The following STK32C variants were observed in gnomAD, a reference collection of about 807,000 sequenced individuals.
STK32C encodes serine/threonine kinase 32C, also known as serine/threonine-protein kinase 32C.
STK32C carries 31 observed loss-of-function variants against 56.5 expected under a neutral mutation model. The observed-to-expected ratio is 0.55, with a 90% CI of 0.41 to 0.74. The LOEUF (loss-of-function observed/expected upper bound fraction) is 0.74, where lower values mean the gene tolerates loss of function less well. STK32C is among the 30% of genes least tolerant of loss of function. STK32C has a pLI of 0.00. For missense variants in STK32C, 544 were observed against 676.9 expected (o/e 0.80, Z 2.18); for synonymous variants, 309 against 289.4 (o/e 1.07, Z -0.69).
rs1238286815 is a variant in STK32C, at chr10:132,254,485, A to ACG, written c.263-8532_263-8531dup. Among the ~76,000 whole-genome samples the ACG allele has an allele frequency of 4.1e-3, 566 of 136,426 alleles. 2 individuals carry two copies. The highest frequency in any genetic ancestry group is 0.013 in the Middle Eastern group (3 of 232). The allele number at this position is 136,426 out of a possible 152,430, so 89.5% of individuals were successfully genotyped here. On this transcript the variant is annotated intron_variant, in intron 1 of 11. Transcript: ENST00000298630. ...CCCCGGCACAATGCGTGCACCCTCCACGAAGGCTGCCCCCAGACCTGGGAG... is the reference window on the plus strand; with the variant it reads ...CCCCGGCACAATGCGTGCACCCTCCACGCGAAGGCTGCCCCCAGACCTGGGAG...
intron 1 of STK32C, among the ~76,000 whole-genome samples, chr10:132,328,960 A>C (rs1400980281): frequency 6.6e-6 from 1 of 152,248 alleles, no homozygotes; most frequent in African/African-American, 2.4e-5. Context: ...GTGAATACTC[A>C]GGGAAACAGA....
intron 1 of STK32C, among the ~76,000 whole-genome samples, chr10:132,302,283 AG>A (rs1313793362): frequency 6.6e-6 from 1 of 152,238 alleles, no homozygotes; most frequent in Non-Finnish European, 1.5e-5. Flanking sequence ...CTAAAAGAAA[AG>A]CCGGCTTATT....
At position 132,243,313 on chromosome 10, in the gene STK32C, G is replaced by A. The variant is rs574212920; in HGVS notation, c.318+2587C>T. 1.2e-3 allele frequency among the ~76,000 whole-genome samples: 185 copies of A among 152,302 alleles called. 1 individual carries two copies. Among genetic ancestry groups the A allele is most frequent in the African/African-American group, 4.2e-3 (176 of 41,564 alleles). On this transcript the variant is annotated intron_variant, in intron 2 of 11. Coordinates refer to ENST00000298630, the MANE Select transcript of STK32C (RefSeq NM_173575.4). ...GGAGGTGGCGAGCCTCTCAGACACCGCAGCCTCTGGAACCCCGGCTGGACG... is the reference window on the plus strand; with the variant it reads ...GGAGGTGGCGAGCCTCTCAGACACCACAGCCTCTGGAACCCCGGCTGGACG...
At chr10:132,282,878 A>G (rs1465161687) in intron 1 of STK32C, among the ~76,000 whole-genome samples, 3 of 152,380 alleles carry the variant, frequency 2.0e-5, no homozygotes, top group South Asian at 2.1e-4. Flanking sequence ...AGCACAGGCT[A>G]CAGCAACTCT....
chr10:132,236,751 C>T (rs1434185076), intron 2 of STK32C, among the ~76,000 whole-genome samples: 1 of 152,318 alleles, frequency 6.6e-6, no homozygotes, highest in Non-Finnish European at 1.5e-5. Flanking sequence ...GCTTCCTTTC[C>T]CGGCCATTCA....
At chr10:132,328,116 G>A (rs564745402) in intron 1 of STK32C, among the ~76,000 whole-genome samples, 32 of 152,300 alleles carry the variant, frequency 2.1e-4, no homozygotes, top group Admixed American at 2.0e-3. Flanking sequence ...AGTAATTAAC[G>A]CAGAGCGGGC....
intron 2 of STK32C, among the ~76,000 whole-genome samples, chr10:132,233,092 G>T (rs976261403): frequency 6.6e-6 from 1 of 152,180 alleles, no homozygotes; most frequent in Non-Finnish European, 1.5e-5. Context: ...GGGACGTGGG[G>T]ACAGCAGGGC....
chr10:132,254,967 C>T (rs931494270), intron 1 of STK32C, among the ~76,000 whole-genome samples: 35 of 152,186 alleles, frequency 2.3e-4, no homozygotes, highest in South Asian at 8.3e-4. Context: ...GGACGCTTCC[C>T]TTCACAGCCC....
intron 1 of STK32C, among the ~76,000 whole-genome samples, chr10:132,317,494 C>CATAT (rs749116553): frequency 6.6e-6 from 1 of 152,188 alleles, no homozygotes; most frequent in Non-Finnish European, 1.5e-5. Context: ...GTACCCAGAA[C>CATAT]ATATAGGACA....
chr10:132,318,344 G>A (rs922622568), intron 1 of STK32C, among the ~76,000 whole-genome samples: 6 of 151,474 alleles, frequency 4.0e-5, no homozygotes, highest in African/African-American at 9.7e-5. Flanking sequence ...AACCAGGCAC[G>A]GTGGCTCACG....
intron 1 of STK32C, among the ~76,000 whole-genome samples, chr10:132,325,355 G>A (rs1368469150): frequency 2.6e-5 from 4 of 152,018 alleles, no homozygotes; most frequent in Non-Finnish European, 5.9e-5. Flanking sequence ...GATCAAGACC[G>A]TCCTGGCTAA....
intron 1 of STK32C, among the ~76,000 whole-genome samples, chr10:132,269,889 A>G (rs1368063190): frequency 2.0e-5 from 3 of 152,072 alleles, no homozygotes; most frequent in Non-Finnish European, 4.4e-5. Context: ...AATAGCTGAC[A>G]CCCACCCAAT....
downstream of STK32C, among the ~76,000 whole-genome samples, chr10:132,322,808 G>T (rs1348509164): frequency 6.6e-6 from 1 of 152,214 alleles, no homozygotes; most frequent in Admixed American, 6.5e-5. Flanking sequence ...GTGTCCTGGG[G>T]TGGAGGTCGT....
chr10:132,331,335 G>T (rs1396276717), intron 1 of STK32C: 2 of 1,173,940 alleles, frequency 1.7e-6, no homozygotes, highest in Non-Finnish European at 2.4e-6. Flanking sequence ...GAAGGTGCAC[G>T]GGACTCCAGG....
chr10:132,235,911 C>T (rs1590211991), intron 2 of STK32C, among the ~76,000 whole-genome samples: 1 of 151,494 alleles, frequency 6.6e-6, no homozygotes, highest in African/African-American at 2.4e-5. Context: ...TTAAAGATAA[C>T]ACACTAAACT....
At chr10:132,312,367 G>C (rs1295830760), upstream of STK32C, among the ~76,000 whole-genome samples, 1 of 152,094 alleles carries the variant, frequency 6.6e-6, no homozygotes, top group Non-Finnish European at 1.5e-5. Flanking sequence ...AATCATGCCT[G>C]ATTTAGACAA....
At chr10:132,280,662 A>ACTCCACTCCGTGATCACCACC (rs2065164835) in intron 1 of STK32C, among the ~76,000 whole-genome samples, 1 of 114,902 alleles carries the variant, frequency 8.7e-6, no homozygotes, top group Non-Finnish European at 1.8e-5. Context: ...TGATCACCAC[A>ACTCCACTCCGTGATCACCACC]CTCCACTCCG....
At chr10:132,222,802 C>T (rs1204261795) in intron 9 of STK32C, 30 bp from the exon 10 acceptor site, 1 of 1,592,716 alleles carries the variant, frequency 6.3e-7, no homozygotes, top group Non-Finnish European at 8.5e-7. Context: ...GAGCCCCGGC[C>T]CGTGGAGGAC....
At chr10:132,298,878 T>C (rs943720033) in intron 1 of STK32C, among the ~76,000 whole-genome samples, 1 of 152,078 alleles carries the variant, frequency 6.6e-6, no homozygotes, top group Non-Finnish European at 1.5e-5. Flanking sequence ...CGCAGCCTCA[T>C]GAGAGACACC....
Sources: gnomAD v4.1 joint callset for allele counts (sites outside exome capture counted in the v4.1 genomes callset) on GRCh38, gnomAD v4.1.1 for gene constraint, MANE v1.5 for transcripts, NCBI Gene and HGNC (gene_info 2026-07-23, HGNC 2026-07-21) for gene names.